The following PTPRN2 variants were observed in gnomAD, a reference collection of about 807,000 sequenced individuals.
PTPRN2 encodes the protein protein tyrosine phosphatase receptor type N2.
In PTPRN2, 74 loss-of-function variants were observed where a neutral mutation model predicts 118.8. That is an observed-to-expected ratio of 0.62 (90% confidence interval 0.52 to 0.76). PTPRN2 has a LOEUF of 0.76. Ranked by LOEUF, PTPRN2 falls within the 30% of genes least tolerant of loss-of-function variation. The pLI, the probability that PTPRN2 is intolerant of heterozygous loss-of-function variation, is 0.00. For synonymous variants in PTPRN2, 641 were observed against 608.0 expected (o/e 1.05, Z -0.80); for missense variants, 1,481 against 1,394.4 (o/e 1.06, Z -0.99).
chr7:157,767,185 A>G lies in PTPRN2; in HGVS notation c.1789-84248T>C, dbSNP rs545578844. ...CTTCCCTGGCTGCAGGGAGGTTGAC[A>G]TGAAGTAGCCAGGCTGTGCTGGGCA... is the stretch of plus-strand genomic sequence containing the variant. On this transcript the variant is annotated intron_variant, in intron 12 of 22. Coordinates refer to ENST00000389418, the MANE Select transcript of PTPRN2 (RefSeq NM_002847.5). 3.9e-5 allele frequency among the ~76,000 whole-genome samples: 6 copies of G among 152,296 alleles called. No homozygotes were observed. The South Asian group carries it at 1.2e-3, about 32-fold the overall frequency.
chr7:158,440,141 G>A (rs1462331803), intron 2 of PTPRN2, among the ~76,000 whole-genome samples: 2 of 152,222 alleles, frequency 1.3e-5, no homozygotes, highest in East Asian at 3.8e-4. Context: ...AACAGATGGT[G>A]TGTGGCCACA....
At chr7:157,824,333 G>C (rs536961820) in intron 12 of PTPRN2, among the ~76,000 whole-genome samples, 1 of 152,354 alleles carries the variant, frequency 6.6e-6, no homozygotes, top group South Asian at 2.1e-4. Context: ...AGAACCACAA[G>C]AGGGCCTTCC....
intron 3 of PTPRN2, among the ~76,000 whole-genome samples, chr7:158,270,739 C>A (rs1798267721): frequency 6.7e-6 from 1 of 150,336 alleles, no homozygotes; most frequent in African/African-American, 2.5e-5. Context: ...GCCTTCTCTA[C>A]CTGAGCCGTC....
intron 2 of PTPRN2, among the ~76,000 whole-genome samples, chr7:158,476,767 C>A (rs1001059309): frequency 6.6e-6 from 1 of 152,236 alleles, no homozygotes; most frequent in African/African-American, 2.4e-5. Flanking sequence ...TAAGAAGAGA[C>A]GCGAGAACGT....
At chr7:158,373,299 G>C (rs765566620) in intron 2 of PTPRN2, among the ~76,000 whole-genome samples, 5 of 152,236 alleles carry the variant, frequency 3.3e-5, no homozygotes, top group Non-Finnish European at 7.3e-5. Context: ...CTTCTGAAAT[G>C]AGTTTTTTGC....
At chr7:158,364,562 T>A (rs1217951832) in intron 2 of PTPRN2, among the ~76,000 whole-genome samples, 3 of 152,244 alleles carry the variant, frequency 2.0e-5, no homozygotes, top group Non-Finnish European at 4.4e-5. Context: ...GTAAGCTTAA[T>A]AATGAGGTTC....
intron 11 of PTPRN2, among the ~76,000 whole-genome samples, chr7:158,005,902 C>T (rs546971168): frequency 5.9e-5 from 9 of 152,342 alleles, no homozygotes; most frequent in South Asian, 2.1e-4. Flanking sequence ...GAAGTCTGCA[C>T]GGCTCCTTTT....
At chr7:158,196,154 AT>A (rs1411312556) in intron 4 of PTPRN2, among the ~76,000 whole-genome samples, 1 of 152,166 alleles carries the variant, frequency 6.6e-6, no homozygotes, top group Admixed American at 6.5e-5. Context: ...GTTTGCTCTC[AT>A]TTTTTTGGAT....
At chr7:158,508,524 C>T (rs1415294391) in intron 1 of PTPRN2, among the ~76,000 whole-genome samples, 1 of 152,132 alleles carries the variant, frequency 6.6e-6, no homozygotes, top group African/African-American at 2.4e-5. Flanking sequence ...AGCTACCCAG[C>T]TCCAGGGGTG....
intron 2 of PTPRN2, among the ~76,000 whole-genome samples, chr7:158,348,164 T>C (rs761001941): frequency 1.3e-4 from 20 of 151,908 alleles, no homozygotes; most frequent in Non-Finnish European, 2.6e-4. Flanking sequence ...AGTGAACAGG[T>C]GGACAAGCAG....
chr7:157,737,148 C>T (rs1168211378), intron 12 of PTPRN2, among the ~76,000 whole-genome samples: 1 of 152,228 alleles, frequency 6.6e-6, no homozygotes, highest in Non-Finnish European at 1.5e-5. Flanking sequence ...GTTAATTTGA[C>T]ATGTATTTCA....
rs867239931 is a variant in PTPRN2 at position 157,953,856 on chromosome 7, C to T, written c.1724-55119G>A. On this transcript the variant is annotated intron_variant, in intron 11 of 22. Coordinates refer to ENST00000389418, the MANE Select transcript of PTPRN2 (RefSeq NM_002847.5). This position sits in a 1 kb window ranked among gnomAD's most constrained non-coding sequence, Gnocchi z 4.6. ...GGTGCTGGAGAAATGTAAGCAAATC[C>T]GCATTTCGAAGCAGAAATCGCTGGT... Among the ~76,000 whole-genome samples the T allele has an allele frequency of 1.3e-5, 2 of 152,192 alleles. No individual in the cohort carries two copies. The highest frequency in any genetic ancestry group is 2.9e-5 in the Non-Finnish European group (2 of 68,016).
rs1376953150 is a variant in PTPRN2, at chr7:158,431,793, TCACACCGGGCACACACTGGG to T, written c.163+57922_163+57941del. Among the ~76,000 whole-genome samples, 8 of 150,488 alleles carry T rather than the reference TCACACCGGGCACACACTGGG, an allele frequency of 5.3e-5. No homozygotes were observed. The East Asian group carries it at 1.4e-3, about 26-fold the overall frequency. On this transcript the variant is annotated intron_variant, in intron 2 of 22. Coordinates refer to ENST00000389418, the MANE Select transcript of PTPRN2 (RefSeq NM_002847.5). ...TGGGCACACACCAGGACACACTGGC[TCACACCGGGCACACACTGGG>T]CACACACTGGCTTACAGCCACCCAC...
chr7:158,077,919 A>T (rs1812501205), intron 11 of PTPRN2, among the ~76,000 whole-genome samples: 1 of 152,190 alleles, frequency 6.6e-6, no homozygotes, highest in Non-Finnish European at 1.5e-5. Context: ...AGCCACGGAG[A>T]TTAAACGTAG....
chr7:157,791,224 C>T (rs1445661887), intron 12 of PTPRN2, among the ~76,000 whole-genome samples: 2 of 152,166 alleles, frequency 1.3e-5, no homozygotes, highest in East Asian at 1.9e-4. Context: ...GAATGAGATA[C>T]GTCCATTTGC....
rs553960415 is a variant in PTPRN2, at chr7:158,255,638, GT to G, written c.278-50366del. Among the ~76,000 whole-genome samples the G allele has an allele frequency of 1.1e-3, 169 of 152,266 alleles. 1 individual carries two copies. Among genetic ancestry groups the G allele is most frequent in the African/African-American group, 3.9e-3 (164 of 41,560 alleles). ...TGTCCATTCAGGATGCTTTGGAAAT[GT>G]TTTTACCAAACTATGAGTCTCACAG... On this transcript the variant is annotated intron_variant, in intron 3 of 22. Transcript: ENST00000389418.
chr7:157,601,869 T>C (rs1019348816), intron 16 of PTPRN2, among the ~76,000 whole-genome samples: 7 of 152,232 alleles, frequency 4.6e-5, no homozygotes, highest in African/African-American at 1.7e-4. Flanking sequence ...GACCTCAACA[T>C]GGCTTTTCTT....
intron 2 of PTPRN2, among the ~76,000 whole-genome samples, chr7:158,330,538 A>T (rs1197661228): frequency 2.6e-5 from 2 of 77,484 alleles, no homozygotes; most frequent in African/African-American, 4.3e-5. Flanking sequence ...ATAAGAGCTG[A>T]CACCCGCAGA....
rs925196033 is a variant in PTPRN2, at chr7:157,729,543, C to G, written c.1789-46606G>C. 3.3e-5 allele frequency among the ~76,000 whole-genome samples: 5 copies of G among 152,234 alleles called. No individual in the cohort carries two copies. Among genetic ancestry groups the G allele is most frequent in the Non-Finnish European group, 5.9e-5 (4 of 68,042 alleles). On this transcript the variant is annotated intron_variant, in intron 12 of 22. Coordinates refer to ENST00000389418, the MANE Select transcript of PTPRN2 (RefSeq NM_002847.5). The surrounding 1 kb of genome is among the most constrained non-coding windows in gnomAD (Gnocchi z 4.3). ...TGCTGGTGCTGTCCGAGTGGAGCCT[C>G]TGGTGAGCCGGACACCATCAAACAA...
Sources: allele counts gnomAD v4.1 joint callset (sites outside exome capture counted in the v4.1 genomes callset), GRCh38; gene constraint gnomAD v4.1.1; non-coding constraint Gnocchi (gnomAD v3.1); transcripts MANE v1.5; gene names NCBI Gene and HGNC (gene_info 2026-07-23, HGNC 2026-07-21).